The following ARHGAP44 variants were observed in gnomAD, a reference collection of about 807,000 sequenced individuals.
ARHGAP44 encodes the protein Rho GTPase activating protein 44, also known as rho GTPase-activating protein 44.
ARHGAP44 carries 43 observed loss-of-function variants against 106.8 expected under a neutral mutation model. The ratio of observed to expected loss-of-function variants is 0.40; its 90% confidence interval spans 0.32 to 0.52. The LOEUF (loss-of-function observed/expected upper bound fraction) is 0.52, where lower values mean the gene tolerates loss of function less well. Among genes scored for constraint, ARHGAP44 ranks in the 20% least tolerant of loss-of-function variants. The pLI, the probability that ARHGAP44 is intolerant of heterozygous loss-of-function variation, is 0.48. For synonymous variants in ARHGAP44, 439 were observed against 410.3 expected (o/e 1.07, Z -0.85); for missense variants, 866 against 1,050.5 (o/e 0.82, Z 2.43).
chr17:12,790,337 G>A (rs1348891383), intron 1 of ARHGAP44: 1 of 166,874 alleles, frequency 6.0e-6, no homozygotes, highest in African/African-American at 2.4e-5. Context: ...CGGGTCCAGG[G>A]AAAGTGCTGG....
chr17:12,947,836 T>C (rs963542808), intron 10 of ARHGAP44, among the ~76,000 whole-genome samples: 1 of 152,250 alleles, frequency 6.6e-6, no homozygotes, highest in Non-Finnish European at 1.5e-5. Context: ...GATACACTCA[T>C]CCAAACATGT....
chr17:12,845,794 C>A (rs1472501529), intron 1 of ARHGAP44, among the ~76,000 whole-genome samples: 1 of 152,080 alleles, frequency 6.6e-6, no homozygotes, highest in African/African-American at 2.4e-5. Context: ...CTGCCTTTGC[C>A]AGATATTTAC....
intron 1 of ARHGAP44, among the ~76,000 whole-genome samples, chr17:12,878,973 A>G (rs949370402): frequency 3.5e-4 from 53 of 152,132 alleles, no homozygotes; most frequent in African/African-American, 1.2e-3. Flanking sequence ...TTGTATCAGT[A>G]ATTTTATTTT....
chr17:12,896,721 C>T (rs115287748), intron 3 of ARHGAP44, among the ~76,000 whole-genome samples: 139 of 152,304 alleles, frequency 9.1e-4, no homozygotes, highest in African/African-American at 3.3e-3. Context: ...AAGCATCCCC[C>T]GCCCTCCACA....
chr17:12,937,275 G>T (rs1015307536), intron 7 of ARHGAP44, among the ~76,000 whole-genome samples: 2 of 152,178 alleles, frequency 1.3e-5, no homozygotes, highest in African/African-American at 4.8e-5. Context: ...ACCTTGTTAA[G>T]AATGGAGTAC....
chr17:12,797,062 A>G (rs1050644914), intron 1 of ARHGAP44, among the ~76,000 whole-genome samples: 3 of 152,026 alleles, frequency 2.0e-5, no homozygotes, highest in Admixed American at 6.6e-5. Context: ...ATGCTTTGTC[A>G]TATGCCACAC....
At chr17:12,879,733 TAC>T (rs757560105) in intron 1 of ARHGAP44, among the ~76,000 whole-genome samples, 57 of 148,310 alleles carry the variant, frequency 3.8e-4, no homozygotes, top group South Asian at 1.7e-3. Context: ...TATATATATA[TAC>T]ACACACACAC....
chr17:12,851,714 C>T (rs1044288336), intron 1 of ARHGAP44, among the ~76,000 whole-genome samples: 3 of 152,068 alleles, frequency 2.0e-5, no homozygotes, highest in African/African-American at 7.2e-5. Flanking sequence ...GGATTACAGG[C>T]GTGAGCCACT....
At chr17:12,940,907 A>G in intron 7 of ARHGAP44, 149 bp from the exon 8 acceptor site, 1 of 586,424 alleles carries the variant, frequency 1.7e-6, no homozygotes, top group Non-Finnish European at 2.9e-6. Context: ...AAATATGCAA[A>G]TGCCCATGGA....
At chr17:12,835,907 G>A (rs1371558326) in intron 1 of ARHGAP44, among the ~76,000 whole-genome samples, 1 of 152,048 alleles carries the variant, frequency 6.6e-6, no homozygotes, top group Non-Finnish European at 1.5e-5. Context: ...TTGCCTTTTT[G>A]TGTCTGGCGT....
At chr17:12,839,578 A>G (rs2035334944) in intron 1 of ARHGAP44, among the ~76,000 whole-genome samples, 1 of 152,138 alleles carries the variant, frequency 6.6e-6, no homozygotes. Context: ...TTATTTGTAG[A>G]TTCTTGGCTG....
rs1046007169 is a variant in ARHGAP44 at position 12,896,571 on chromosome 17, C to T, written c.198+60C>T. 9 of 1,414,220 alleles carry T rather than the reference C, an allele frequency of 6.4e-6. No homozygotes were observed. The African/African-American group carries it at 8.5e-5, about 13-fold the overall frequency. 87.6% of individuals were successfully genotyped at this position (1,414,220 alleles called of 1,614,324 possible). On this transcript the variant is annotated intron_variant, in intron 3 of 20. Transcript: ENST00000379672. ...TTGCCTACTGAGGACAAGGTTCCTA[C>T]TCCTGTGACACTCCTGGATGTAGCT...
At chr17:12,926,485 T>C (rs1051001802) in intron 6 of ARHGAP44, among the ~76,000 whole-genome samples, 7 of 144,372 alleles carry the variant, frequency 4.8e-5, no homozygotes, top group Admixed American at 7.1e-5. Context: ...AATATATATG[T>C]ATGTATAATA....
chr17:12,789,991 C>A, intron 1 of ARHGAP44, 100 bp downstream of exon 1: 1 of 1,186,360 alleles, frequency 8.4e-7, no homozygotes, highest in Non-Finnish European at 1.1e-6. Flanking sequence ...GTCCTCCTTG[C>A]CTCAGTCCTT....
chr17:12,791,505 T>C lies in ARHGAP44; in HGVS notation c.53+1614T>C, dbSNP rs370465189. 2.7e-3 allele frequency among the ~76,000 whole-genome samples: 406 copies of C among 152,320 alleles called. 2 individuals are homozygous for C. The highest frequency in any genetic ancestry group is 9.1e-3 in the African/African-American group (379 of 41,574). On this transcript the variant is annotated intron_variant, in intron 1 of 20. Transcript: ENST00000379672. Reference sequence around the variant, plus strand: ...ACTAGACTTGGGTTGCTGGTTTCTCTTGGTCTTGGGGTTTCAGTGCCGTGC... The same window carrying C: ...ACTAGACTTGGGTTGCTGGTTTCTCCTGGTCTTGGGGTTTCAGTGCCGTGC...
chr17:12,962,079 A>AAG lies in ARHGAP44; in HGVS notation c.1523+3183_1523+3184insGA, dbSNP rs200604963. The stretch of plus-strand genomic sequence containing the variant: ...GAAGGTTTTTGGCCAAGTTAAAAAA[A>AAG]AATATATATATATATGAATTATATA... On this transcript the variant is annotated intron_variant, in intron 16 of 20. Coordinates refer to ENST00000379672, the MANE Select transcript of ARHGAP44 (RefSeq NM_014859.6). Among the ~76,000 whole-genome samples, 172 of 149,860 alleles carry AAG rather than the reference A, an allele frequency of 1.1e-3. 4 individuals carry two copies. In the South Asian group the frequency reaches 0.035, roughly 31 times the overall value.
intron 19 of ARHGAP44, among the ~76,000 whole-genome samples, chr17:12,981,540 G>T (rs2143417200): frequency 6.6e-6 from 1 of 152,074 alleles, no homozygotes; most frequent in South Asian, 2.1e-4. Context: ...TGAAATTAAA[G>T]GCGTCTACCA....
chr17:12,817,232 A>G (rs2034624462), intron 1 of ARHGAP44, among the ~76,000 whole-genome samples: 1 of 152,076 alleles, frequency 6.6e-6, no homozygotes, highest in Non-Finnish European at 1.5e-5. Context: ...TGAAAACACA[A>G]CATATCAAAA....
chr17:12,951,170 A>G (rs774370808), intron 12 of ARHGAP44, among the ~76,000 whole-genome samples: 4 of 152,178 alleles, frequency 2.6e-5, no homozygotes, highest in Non-Finnish European at 4.4e-5. Flanking sequence ...CAACGTTACC[A>G]TTTATTGAGT....
Sources: allele counts gnomAD v4.1 joint callset (sites outside exome capture counted in the v4.1 genomes callset), GRCh38; gene constraint gnomAD v4.1.1; transcripts MANE v1.5; gene names NCBI Gene and HGNC (gene_info 2026-07-23, HGNC 2026-07-21).